FHIT: variants seen among roughly 807,000 people sequenced by gnomAD.
The protein encoded by FHIT is fragile histidine triad diadenosine triphosphatase.
Under a neutral mutation model 17.9 loss-of-function variants are expected in FHIT, and 19 were observed. The observed-to-expected ratio is 1.06, with a 90% CI of 0.74 to 1.56. The LOEUF (loss-of-function observed/expected upper bound fraction) is 1.56. FHIT is among the 40% of genes most tolerant of loss of function. FHIT has a pLI of 0.00. For missense variants in FHIT, 248 were observed against 189.2 expected (o/e 1.31, Z -1.82); for synonymous variants, 81 against 69.7 (o/e 1.16, Z -0.81).
chr3:61,046,935 T>C (rs2033817703), intron 2 of FHIT, among the ~76,000 whole-genome samples: 1 of 152,042 alleles, frequency 6.6e-6, no homozygotes, highest in South Asian at 2.1e-4. Context: ...TTCGAAAAAA[T>C]TTGACAGGCC....
chr3:60,048,598 A>C (rs182005086), intron 5 of FHIT, among the ~76,000 whole-genome samples: 200 of 152,338 alleles, frequency 1.3e-3, no homozygotes, highest in Non-Finnish European at 1.6e-3. Flanking sequence ...AGGTGTGTTA[A>C]CGTTCTACAA....
chr3:60,995,266 G>A (rs533002586), intron 3 of FHIT, among the ~76,000 whole-genome samples: 2 of 152,250 alleles, frequency 1.3e-5, no homozygotes, highest in South Asian at 2.1e-4. Context: ...CTTGCAGTGA[G>A]CCGAGATCGT....
intron 5 of FHIT, among the ~76,000 whole-genome samples, chr3:60,136,140 G>C (rs1559666205): frequency 6.6e-6 from 1 of 152,034 alleles, no homozygotes; most frequent in Non-Finnish European, 1.5e-5. Flanking sequence ...ATATTTATCT[G>C]TTGGCCCAAC....
At chr3:60,944,802 G>A (rs1430921249) in intron 3 of FHIT, among the ~76,000 whole-genome samples, 1 of 152,132 alleles carries the variant, frequency 6.6e-6, no homozygotes, top group African/African-American at 2.4e-5. Flanking sequence ...CTGAGTAGTA[G>A]AGGCATGCCA....
At chr3:61,132,434 C>G (rs778093602) in intron 2 of FHIT, among the ~76,000 whole-genome samples, 2 of 152,188 alleles carry the variant, frequency 1.3e-5, no homozygotes, top group Non-Finnish European at 2.9e-5. Context: ...ACAACATAAT[C>G]TTGGTGCCAG....
chr3:60,434,941 G>C (rs979224303), intron 5 of FHIT, among the ~76,000 whole-genome samples: 43 of 152,202 alleles, frequency 2.8e-4, no homozygotes, highest in African/African-American at 9.4e-4. Flanking sequence ...GGTATCATTT[G>C]TAACAGTGTT....
At chr3:60,330,776 A>G (rs1709928831) in intron 5 of FHIT, among the ~76,000 whole-genome samples, 1 of 152,196 alleles carries the variant, frequency 6.6e-6, no homozygotes, top group Admixed American at 6.5e-5. Flanking sequence ...GCAAAATCTG[A>G]TTTACACGTG....
At chr3:60,805,433 C>T (rs1701349257) in intron 4 of FHIT, among the ~76,000 whole-genome samples, 1 of 152,180 alleles carries the variant, frequency 6.6e-6, no homozygotes, top group African/African-American at 2.4e-5. Context: ...GGTCTTTCCT[C>T]TGTGTGCTTC....
intron 3 of FHIT, among the ~76,000 whole-genome samples, chr3:60,822,952 C>T (rs1701977812): frequency 6.6e-6 from 1 of 152,188 alleles, no homozygotes; most frequent in African/African-American, 2.4e-5. Context: ...TCATAAACAC[C>T]AATTCATTCC....
At chr3:60,522,038 T>C (rs2107567237) in intron 5 of FHIT, among the ~76,000 whole-genome samples, 1 of 148,724 alleles carries the variant, frequency 6.7e-6, no homozygotes, top group South Asian at 2.2e-4. Flanking sequence ...GGTCAGAGGG[T>C]GGCAGGTGAA....
At chr3:60,220,223 T>G (rs1187376293) in intron 5 of FHIT, among the ~76,000 whole-genome samples, 1 of 152,138 alleles carries the variant, frequency 6.6e-6, no homozygotes, top group Non-Finnish European at 1.5e-5. Context: ...ATGTTTGGTT[T>G]TGGGAACATT....
At chr3:60,694,479 C>G (rs556196184) in intron 4 of FHIT, among the ~76,000 whole-genome samples, 2 of 152,248 alleles carry the variant, frequency 1.3e-5, no homozygotes, top group African/African-American at 4.8e-5. Flanking sequence ...CTGTAAACTA[C>G]TTCAACCATT....
chr3:60,383,168 G>A (rs1052779088), intron 5 of FHIT, among the ~76,000 whole-genome samples: 1 of 152,164 alleles, frequency 6.6e-6, no homozygotes, highest in Admixed American at 6.5e-5. Flanking sequence ...GGGAATGGGA[G>A]TTTCTTTTGC....
intron 3 of FHIT, among the ~76,000 whole-genome samples, chr3:60,913,599 C>A (rs1553766429): frequency 6.6e-6 from 1 of 152,176 alleles, no homozygotes; most frequent in Admixed American, 6.5e-5. Context: ...ACTTAATAAA[C>A]CACCCCCAAA....
intron 5 of FHIT, among the ~76,000 whole-genome samples, chr3:60,364,507 A>G (rs1430486745): frequency 6.6e-6 from 1 of 152,204 alleles, no homozygotes; most frequent in Non-Finnish European, 1.5e-5. Context: ...AAAACAAATG[A>G]TCACTGAAGG....
chr3:60,336,629 T>C (rs1710253935), intron 5 of FHIT, among the ~76,000 whole-genome samples: 1 of 152,168 alleles, frequency 6.6e-6, no homozygotes, highest in South Asian at 2.1e-4. Flanking sequence ...TTAACAAAAC[T>C]TTAGTTAATA....
intron 5 of FHIT, among the ~76,000 whole-genome samples, chr3:60,175,977 T>C (rs1290864955): frequency 6.6e-6 from 1 of 152,228 alleles, no homozygotes; most frequent in African/African-American, 2.4e-5. Context: ...ATATATTTAC[T>C]GAGCATTTGA....
chr3:59,943,605 C>T lies in FHIT; in HGVS notation c.280-21191G>A, dbSNP rs369982079. Reference sequence around the variant, plus strand: ...CCTTACTCCTGTCTGTAAAAGGCACCAATATTGTCCTATGAGGCCCTGGCA... The same window carrying T: ...CCTTACTCCTGTCTGTAAAAGGCACTAATATTGTCCTATGAGGCCCTGGCA... On this transcript the variant is annotated intron_variant, in intron 7 of 9. Transcript: ENST00000492590. 7.9e-5 allele frequency among the ~76,000 whole-genome samples: 12 copies of T among 152,204 alleles called. No individual in the cohort carries two copies. The East Asian group carries it at 1.5e-3, about 20-fold the overall frequency.
At chr3:61,213,517 T>C (rs890609336) in intron 1 of FHIT, among the ~76,000 whole-genome samples, 6 of 152,210 alleles carry the variant, frequency 3.9e-5, no homozygotes, top group Middle Eastern at 3.4e-3. Context: ...AAGTCCTGAG[T>C]GACCTACAAA....
Sources: gnomAD v4.1 joint callset for allele counts (sites outside exome capture counted in the v4.1 genomes callset) on GRCh38, gnomAD v4.1.1 for gene constraint, MANE v1.5 for transcripts, NCBI Gene and HGNC (gene_info 2026-07-23, HGNC 2026-07-21) for gene names.